The following GRIP2 variants were observed in gnomAD, a reference collection of about 807,000 sequenced individuals.
The protein encoded by GRIP2 is glutamate receptor-interacting protein 2.
In GRIP2, 58 loss-of-function variants were observed where a neutral mutation model predicts 108.3. That is an observed-to-expected ratio of 0.54 (90% CI 0.43 to 0.67). The LOEUF (loss-of-function observed/expected upper bound fraction) is 0.67. Among genes scored for constraint, GRIP2 ranks in the 30% least tolerant of loss-of-function variants. GRIP2 has a pLI of 0.00. For missense variants in GRIP2, 1,278 were observed against 1,430.6 expected, an observed-to-expected ratio of 0.89 and a Z score of 1.72; for synonymous variants, 586 against 598.2, an observed-to-expected ratio of 0.98 and a Z score of 0.30.
the GRIP2 span, among the ~76,000 whole-genome samples, chr3:14,602,662 T>G: frequency 6.6e-6 from 1 of 150,402 alleles, no homozygotes; most frequent in Admixed American, 6.6e-5. This position sits in a 1 kb window ranked among gnomAD's most constrained non-coding sequence, Gnocchi z 4.7. Flanking sequence ...CTGCCCCGGG[T>G]CCCACACTCC....
At chr3:14,546,549 A>G (rs930823951), upstream of GRIP2, among the ~76,000 whole-genome samples, 3 of 152,162 alleles carry the variant, frequency 2.0e-5, no homozygotes, top group African/African-American at 7.2e-5. Context: ...ATGACAGCCA[A>G]TAGGGCACGT....
rs753077267 is a variant in GRIP2, at chr3:14,517,051, G to C, written c.1306+13C>G. On this transcript the variant is annotated intron_variant, in intron 11 of 23. Transcript: ENST00000621039. The stretch of plus-strand genomic sequence containing the variant: ...CAAGCAGCCCAAGGAGGAGGGAAGA[G>C]ACCACAGCTTACACGAGCTCTTGTG... 1.3e-6 allele frequency: 2 copies of C among 1,528,180 alleles called. No individual in the cohort carries two copies. The highest frequency in any genetic ancestry group is 1.8e-6 in the Non-Finnish European group (2 of 1,136,268). The allele number at this position is 1,528,180 out of a possible 1,614,324, so 94.7% of individuals were successfully genotyped here.
chr3:14,524,459 T>C lies in GRIP2; in HGVS notation c.337A>G (p.Ile113Val), dbSNP rs1427153663. ...HLTRLRHDEI[I>V]TLLKNVGERV... is the part of the protein sequence containing the mutation. ...TCGCCCACATTCTTGAGCAGGGTGA[T>C]GATCTCATCGTGGCGGAGCCTGGTC... The change falls in exon 4 of 24, where the codon ATC (isoleucine) becomes GTC (valine). Residue 113 changes from isoleucine (I) to valine (V), a missense_variant. Coordinates refer to ENST00000621039, the MANE Select transcript of GRIP2 (RefSeq NM_001080423.4). The C allele has an allele frequency of 1.3e-6, 2 of 1,599,122 alleles. No homozygotes were observed. Among genetic ancestry groups the C allele is most frequent in the Non-Finnish European group, 8.5e-7 (1 of 1,173,126 alleles).
At chr3:14,557,722 G>A (rs1038897790), upstream of GRIP2, among the ~76,000 whole-genome samples, 14 of 152,268 alleles carry the variant, frequency 9.2e-5, no homozygotes, top group Admixed American at 8.5e-4. Context: ...CCTCTCCTCT[G>A]CAGTTGAGAG....
chr3:14,600,664 C>G, the GRIP2 span, among the ~76,000 whole-genome samples: 1 of 152,198 alleles, frequency 6.6e-6, no homozygotes, highest in East Asian at 1.9e-4. Context: ...AACCTCTTGT[C>G]AAGCAGGACT....
intron 17 of GRIP2, among the ~76,000 whole-genome samples, chr3:14,509,215 TTTACCGCCCGCTCG>T (rs1429204204): frequency 6.6e-6 from 1 of 152,124 alleles, no homozygotes; most frequent in Non-Finnish European, 1.5e-5. Context: ...AGGCTCTCCT[TTTACCGCCCGCTCG>T]TTGCTGTGCT....
chr3:14,515,664 C>T (rs1437147800), intron 11 of GRIP2, among the ~76,000 whole-genome samples: 3 of 152,040 alleles, frequency 2.0e-5, no homozygotes, highest in Non-Finnish European at 2.9e-5. Flanking sequence ...GAGACAAAGT[C>T]TCACTGTGTC....
At chr3:14,594,324 G>C in the GRIP2 span, among the ~76,000 whole-genome samples, 14 of 152,222 alleles carry the variant, frequency 9.2e-5, no homozygotes, top group Non-Finnish European at 5.9e-5. Context: ...GCCCTGCCCC[G>C]GGCTCTGGGG....
the GRIP2 span, chr3:14,573,604 C>T: frequency 8.8e-5 from 130 of 1,474,914 alleles, 1 homozygote; most frequent in African/African-American, 1.4e-3. Context: ...TCACACTCGC[C>T]GTTGGTGCCA....
chr3:14,523,085 A>C lies in GRIP2; in HGVS notation c.491-10T>G. ...TCTTCATGGGCACCTCCTGGACAGGATTTGACAAGAAGCAGGAATCATCCA... is the reference window on the plus strand; with the variant it reads ...TCTTCATGGGCACCTCCTGGACAGGCTTTGACAAGAAGCAGGAATCATCCA... On this transcript the variant is annotated splice_polypyrimidine_tract_variant and intron_variant, in intron 5 of 23. Transcript: ENST00000621039. The C allele has an allele frequency of 6.3e-7, 1 of 1,591,860 alleles. No homozygotes were observed. The highest frequency in any genetic ancestry group is 8.6e-7 in the Non-Finnish European group (1 of 1,165,416).
At chr3:14,599,868 C>T in the GRIP2 span, among the ~76,000 whole-genome samples, 1 of 152,026 alleles carries the variant, frequency 6.6e-6, no homozygotes, top group South Asian at 2.1e-4. Flanking sequence ...CACAGTCACA[C>T]ACACACAGAC....
chr3:14,573,730 G>T, the GRIP2 span: 4 of 1,447,276 alleles, frequency 2.8e-6, no homozygotes, highest in African/African-American at 5.6e-5. Flanking sequence ...CACTCACGGG[G>T]GTCCTCCCAA....
chr3:14,578,839 G>A, the GRIP2 span, among the ~76,000 whole-genome samples: 1 of 114,286 alleles, frequency 8.7e-6, no homozygotes, highest in Non-Finnish European at 1.8e-5. Context: ...TGGTGACCCA[G>A]GCCAGCTGTT....
At chr3:14,600,677 C>A in the GRIP2 span, among the ~76,000 whole-genome samples, 1 of 152,194 alleles carries the variant, frequency 6.6e-6, no homozygotes, top group Non-Finnish European at 1.5e-5. Flanking sequence ...GCAGGACTCA[C>A]ATCTCCAAAC....
chr3:14,563,452 C>T, the GRIP2 span, among the ~76,000 whole-genome samples: 2 of 152,086 alleles, frequency 1.3e-5, no homozygotes, highest in African/African-American at 4.8e-5. Context: ...AGGGAGGGTG[C>T]CTTGGTGGGC....
intron 22 of GRIP2, 84 bp downstream of exon 22, chr3:14,496,333 G>T: frequency 8.2e-7 from 1 of 1,219,788 alleles, no homozygotes; most frequent in Non-Finnish European, 1.1e-6. Context: ...CCTGAGAGGG[G>T]CAGGGCCCCT....
the GRIP2 span, chr3:14,572,781 G>A: frequency 3.2e-6 from 2 of 627,384 alleles, no homozygotes; most frequent in Non-Finnish European, 5.5e-6. Context: ...GTAAGCCTGT[G>A]AGGCTCAGGG....
chr3:14,547,378 G>A (rs759730266), intron 1 of GRIP2, among the ~76,000 whole-genome samples: 1 of 152,222 alleles, frequency 6.6e-6, no homozygotes, highest in Non-Finnish European at 1.5e-5. Flanking sequence ...AATTTGGGGT[G>A]GGGATAGGGC....
upstream of GRIP2, among the ~76,000 whole-genome samples, chr3:14,559,285 GAGTTCCA>G (rs1234158932): frequency 6.6e-6 from 1 of 152,176 alleles, no homozygotes; most frequent in Non-Finnish European, 1.5e-5. Flanking sequence ...TGGTCTTGCA[GAGTTCCA>G]AGTGAAATTG....
Sources: gnomAD v4.1 joint callset for allele counts (sites outside exome capture counted in the v4.1 genomes callset) on GRCh38, gnomAD v4.1.1 for gene constraint, Gnocchi (gnomAD v3.1) non-coding constraint, MANE v1.5 for transcripts, NCBI Gene and HGNC (gene_info 2026-07-23, HGNC 2026-07-21) for gene names.